Variants in VAC14 observed in about 807,000 individuals in gnomAD.
VAC14 encodes the protein VAC14 component of PIKFYVE complex, also known as protein VAC14 homolog.
VAC14 carries 47 observed loss-of-function variants against 85.3 expected under a neutral mutation model. The observed-to-expected ratio is 0.55, with a 90% confidence interval of 0.44 to 0.70. The LOEUF (loss-of-function observed/expected upper bound fraction) is 0.70. Among genes scored for constraint, VAC14 ranks in the 30% least tolerant of loss-of-function variants. VAC14 has a pLI of 0.00. For synonymous variants in VAC14, 447 were observed against 430.5 expected (o/e 1.04, Z -0.47); for missense variants, 861 against 1,004.3 (o/e 0.86, Z 1.93).
In VAC14 at chr16:70,780,893, C is replaced by T. The variant is rs1207454661; in HGVS notation, c.993G>A (p.Leu331=). ...CCAGCTCGTCGTCCTCGGGGGTGAC[C>T]AGCTTCATCAGGCTCTGGTTGCACA... ...ANVCNQSLMK[L]VTPEDDELDE... The change falls in exon 9 of 19, where the codon CTG becomes CTA. Residue 331 remains leucine (L), a synonymous_variant. Coordinates refer to ENST00000261776, the MANE Select transcript of VAC14 (RefSeq NM_018052.5). 2.5e-6 allele frequency: 4 copies of T among 1,614,170 alleles called. No homozygotes were observed. The highest frequency in any genetic ancestry group is 3.4e-6 in the Non-Finnish European group (4 of 1,180,034).
At chr16:70,795,857 G>C (rs1596974293) in intron 1 of VAC14, among the ~76,000 whole-genome samples, 1 of 152,320 alleles carries the variant, frequency 6.6e-6, no homozygotes, top group East Asian at 1.9e-4. Context: ...CTAGAGACTT[G>C]ACCATGAGTG....
intron 14 of VAC14, among the ~76,000 whole-genome samples, chr16:70,723,813 C>G (rs962422972): frequency 6.6e-6 from 1 of 152,226 alleles, no homozygotes. Context: ...CAGCGTGAAC[C>G]TGATGAGGGG....
chr16:70,760,096 C>T (rs952429468), intron 12 of VAC14, among the ~76,000 whole-genome samples: 25 of 152,184 alleles, frequency 1.6e-4, no homozygotes, highest in African/African-American at 5.3e-4. Flanking sequence ...CAACCTGTGC[C>T]GCGGGGCTGC....
intron 14 of VAC14, among the ~76,000 whole-genome samples, chr16:70,717,590 G>C (rs943194099): frequency 1.3e-5 from 2 of 152,352 alleles, no homozygotes; most frequent in Non-Finnish European, 2.9e-5. Context: ...AACTGGACAA[G>C]AGCTAGTTGC....
At chr16:70,773,245 AAAATGACTTTGGGG>A (rs1351437515) in intron 9 of VAC14, 1 of 152,224 alleles carries the variant, frequency 6.6e-6, no homozygotes, top group Non-Finnish European at 1.5e-5. Context: ...AAGGGCTTAA[AAAATGACTTTGGGG>A]AAAGGACTGT....
chr16:70,719,099 T>TTCC (rs1352889968), intron 14 of VAC14, among the ~76,000 whole-genome samples: 1 of 152,204 alleles, frequency 6.6e-6, no homozygotes, highest in African/African-American at 2.4e-5. Context: ...GCCCCTTGGA[T>TTCC]TCTGGCAGGT....
intron 1 of VAC14, 42 bp downstream of exon 1, chr16:70,800,755 T>TCAGGGGCTGCATAGC (rs1314261576): frequency 6.4e-7 from 1 of 1,556,406 alleles, no homozygotes; most frequent in Non-Finnish European, 8.8e-7. Flanking sequence ...AGCAGAGCAG[T>TCAGGGGCTGCATAGC]CAGGGGCTGC....
intron 1 of VAC14, among the ~76,000 whole-genome samples, chr16:70,799,345 G>C (rs577632885): frequency 7.2e-5 from 11 of 152,256 alleles, no homozygotes; most frequent in African/African-American, 2.6e-4. Flanking sequence ...TATATAAAAG[G>C]AGCAGTCAAG....
At chr16:70,697,097 C>T (rs969903558) in intron 16 of VAC14, 42 bp downstream of exon 16, 6 of 1,553,950 alleles carry the variant, frequency 3.9e-6, no homozygotes, top group South Asian at 1.1e-5. Context: ...CCCTTCCTGC[C>T]CCTCAGAGGC....
intron 9 of VAC14, among the ~76,000 whole-genome samples, chr16:70,776,401 C>T (rs1197985267): frequency 6.6e-6 from 1 of 152,168 alleles, no homozygotes; most frequent in Non-Finnish European, 1.5e-5. Context: ...TGAGCCACTG[C>T]ACCTGGCCCA....
At chr16:70,693,194 T>C (rs1318664552) in intron 17 of VAC14, among the ~76,000 whole-genome samples, 2 of 152,134 alleles carry the variant, frequency 1.3e-5, no homozygotes, top group Non-Finnish European at 2.9e-5. Flanking sequence ...CCCAGGAGTG[T>C]CCTAGCCGTT....
At chr16:70,784,903 G>A (rs1416933831) in intron 3 of VAC14, 65 bp from the exon 4 acceptor site, 3 of 1,454,496 alleles carry the variant, frequency 2.1e-6, no homozygotes, top group Non-Finnish European at 2.9e-6. Context: ...CAAGACCAGG[G>A]ATTTCCTGCA....
At chr16:70,738,442 C>G (rs1039330946) in intron 13 of VAC14, among the ~76,000 whole-genome samples, 2 of 152,214 alleles carry the variant, frequency 1.3e-5, no homozygotes, top group African/African-American at 4.8e-5. Context: ...TGGGATGCAG[C>G]AGGGCCCAGT....
At chr16:70,713,112 TG>T in intron 14 of VAC14, among the ~76,000 whole-genome samples, 2 of 152,194 alleles carry the variant, frequency 1.3e-5, no homozygotes, top group East Asian at 3.8e-4. Context: ...CTACAAAGTC[TG>T]CCTGCTTGCA....
At chr16:70,748,974 A>G (rs189975351) in intron 12 of VAC14, among the ~76,000 whole-genome samples, 401 of 152,178 alleles carry the variant, frequency 2.6e-3, no homozygotes, top group Middle Eastern at 0.01. Flanking sequence ...ACCATAAACC[A>G]AAAAAGAGCT....
chr16:70,690,808 A>G (rs1439341602), intron 18 of VAC14: 13 of 985,548 alleles, frequency 1.3e-5, no homozygotes, highest in Middle Eastern at 5.2e-4. Context: ...GTCCCCTGGC[A>G]TGCCCACTGC....
Position 70,762,768 on chromosome 16 carries a change from G to T in VAC14, c.1305+113C>A. The T allele has an allele frequency of 6.5e-7, 1 of 1,548,702 alleles. No individual in the cohort carries two copies. ...CGCAGCACCTGTCACTTCTCTGCCG[G>T]CCAGGGTTTCCCTAGAAGGGCAATG... On this transcript the variant is annotated intron_variant, in intron 11 of 18. Coordinates refer to ENST00000261776, the MANE Select transcript of VAC14 (RefSeq NM_018052.5). The surrounding 1 kb of genome is among the most constrained non-coding windows in gnomAD (Gnocchi z 4.1).
In VAC14 at chr16:70,763,038, T is replaced by G. The variant is rs1207927569; in HGVS notation, c.1161-13A>C. On this transcript the variant is annotated splice_polypyrimidine_tract_variant and intron_variant, in intron 10 of 18. Transcript: ENST00000261776. ...GGCTCTTTCAGTGCTGTGGGTAAGA[T>G]CGGGAGGGAGAGCAGAGGTGAAGCC... 6.2e-7 allele frequency: 1 copy of G among 1,614,076 alleles called. No individual in the cohort carries two copies. Among genetic ancestry groups the G allele is most frequent in the East Asian group, 2.2e-5 (1 of 44,868 alleles).
intron 7 of VAC14, among the ~76,000 whole-genome samples, chr16:70,782,283 C>G (rs1198894658): frequency 6.6e-6 from 1 of 152,252 alleles, no homozygotes; most frequent in Non-Finnish European, 1.5e-5. Context: ...GTGGAATTAA[C>G]TTCTCCACCC....
Sources: gnomAD v4.1 joint callset for allele counts (sites outside exome capture counted in the v4.1 genomes callset) on GRCh38, gnomAD v4.1.1 for gene constraint, Gnocchi (gnomAD v3.1) non-coding constraint, MANE v1.5 for transcripts, NCBI Gene and HGNC (gene_info 2026-07-23, HGNC 2026-07-21) for gene names.